UBAC2: variants seen among roughly 807,000 people sequenced by gnomAD.
The protein encoded by UBAC2 is ubiquitin-associated domain-containing protein 2.
A neutral mutation model predicts 44.0 loss-of-function variants in UBAC2; 26 were observed. The ratio of observed to expected loss-of-function variants is 0.59; its 90% CI spans 0.43 to 0.82. The LOEUF is 0.82. UBAC2 is among the 40% of genes least tolerant of loss of function. UBAC2 has a pLI of 0.00. For missense variants in UBAC2, 329 were observed against 419.4 expected (o/e 0.78, Z 1.88); for synonymous variants, 155 against 154.3 (o/e 1.00, Z -0.04).
chr13:99,281,225 C>T (rs961559287), intron 4 of UBAC2, among the ~76,000 whole-genome samples: 1 of 151,066 alleles, frequency 6.6e-6, no homozygotes, highest in Non-Finnish European at 1.5e-5. Flanking sequence ...AAAAAAACAA[C>T]AGCAACAACA....
At chr13:99,317,306 C>T (rs1424369093) in intron 5 of UBAC2, among the ~76,000 whole-genome samples, 2 of 152,130 alleles carry the variant, frequency 1.3e-5, no homozygotes, top group Non-Finnish European at 2.9e-5. Context: ...CAACAATAAC[C>T]CACAAATCAT....
chr13:99,324,923 T>A (rs1156681739), intron 6 of UBAC2, among the ~76,000 whole-genome samples: 1 of 152,160 alleles, frequency 6.6e-6, no homozygotes, highest in Non-Finnish European at 1.5e-5. Flanking sequence ...CCATCTAGGT[T>A]TGTGTAAGTA....
intron 4 of UBAC2, among the ~76,000 whole-genome samples, chr13:99,246,143 G>A (rs1005057149): frequency 2.0e-5 from 3 of 152,112 alleles, no homozygotes; most frequent in Non-Finnish European, 1.5e-5. Flanking sequence ...AATAGCTTTC[G>A]TACCTGCATT....
In UBAC2 at chr13:99,295,297, T is replaced by G. The variant is rs1218621811; in HGVS notation, c.390-18800T>G. 2 of 1,614,160 alleles carry G rather than the reference T, an allele frequency of 1.2e-6. No individual in the cohort carries two copies. On this transcript the variant is annotated intron_variant, in intron 4 of 8. Transcript: ENST00000403766. This position sits in a 1 kb window ranked among gnomAD's most constrained non-coding sequence, Gnocchi z 4.1. ...AGTGCAGAGAAATCTGGAACGAATG[T>G]CTTTGGCTACATTCCAGGAAATTAG... is the stretch of plus-strand genomic sequence containing the variant.
In UBAC2 at chr13:99,200,880, C is replaced by A. The variant is rs555163358; in HGVS notation, c.-29C>A. On this transcript the variant is annotated 5_prime_UTR_variant, in exon 1 of 9. Coordinates refer to ENST00000403766, the MANE Select transcript of UBAC2 (RefSeq NM_001144072.2). Reference sequence around the variant, plus strand: ...CACTTCAGCTTCCCCTCCCCCGGCGCCCTCTGGGGCTCCGAGCCCGGCGGG... The same window carrying A: ...CACTTCAGCTTCCCCTCCCCCGGCGACCTCTGGGGCTCCGAGCCCGGCGGG... The A allele has an allele frequency of 3.8e-6, 5 of 1,300,932 alleles. No homozygotes were observed. In the African/African-American group the frequency reaches 6.1e-5, roughly 16 times the overall value. 80.6% of individuals were successfully genotyped at this position (1,300,932 alleles called of 1,614,324 possible).
At chr13:99,208,646 C>T (rs751447663) in intron 1 of UBAC2, among the ~76,000 whole-genome samples, 16 of 152,198 alleles carry the variant, frequency 1.1e-4, no homozygotes, top group Non-Finnish European at 2.2e-4. Context: ...TCCGAAAAAG[C>T]GGTGTGACAG....
chr13:99,331,591 A>G (rs1166740015), intron 6 of UBAC2, among the ~76,000 whole-genome samples: 4 of 152,256 alleles, frequency 2.6e-5, no homozygotes, highest in Non-Finnish European at 5.9e-5. Flanking sequence ...AGAAAGTTCA[A>G]TCTGAATCAC....
At chr13:99,359,059 C>T (rs1209811790) in intron 7 of UBAC2, among the ~76,000 whole-genome samples, 2 of 152,008 alleles carry the variant, frequency 1.3e-5, no homozygotes, top group African/African-American at 2.4e-5. Context: ...CAAGAACACC[C>T]GTGTCTGAAG....
intron 6 of UBAC2, 69 bp downstream of exon 6, chr13:99,318,138 A>G (rs2044517939): frequency 2.2e-6 from 3 of 1,391,072 alleles, no homozygotes; most frequent in Non-Finnish European, 3.0e-6. Context: ...AAATTGTCCT[A>G]TTTAGATTGT....
At chr13:99,241,365 A>T (rs560817967) in intron 2 of UBAC2, among the ~76,000 whole-genome samples, 54 of 152,206 alleles carry the variant, frequency 3.5e-4, no homozygotes, top group Non-Finnish European at 6.5e-4. Flanking sequence ...CTATTAACAG[A>T]TACATGGATA....
chr13:99,222,518 A>T (rs1235249180), intron 1 of UBAC2, among the ~76,000 whole-genome samples: 1 of 152,234 alleles, frequency 6.6e-6, no homozygotes, highest in Non-Finnish European at 1.5e-5. Context: ...TTGAGGTTAG[A>T]TCAAAGGGGT....
Position 99,357,371 on chromosome 13 carries a change from C to T in UBAC2, c.808-10416C>T, listed in dbSNP as rs146312426. 4.1e-3 allele frequency among the ~76,000 whole-genome samples: 632 copies of T among 152,316 alleles called. 2 individuals carry two copies. Among genetic ancestry groups the T allele is most frequent in the African/African-American group, 0.014 (600 of 41,560 alleles). ...GTTTTAAGTCTAACAAGATGCCTCT[C>T]GTTCAGTCCTGAAGTGCTTCTTGTT... On this transcript the variant is annotated intron_variant, in intron 7 of 8. Transcript: ENST00000403766.
intron 2 of UBAC2, among the ~76,000 whole-genome samples, chr13:99,243,079 T>A (rs1483685964): frequency 6.6e-6 from 1 of 152,130 alleles, no homozygotes; most frequent in Non-Finnish European, 1.5e-5. Flanking sequence ...ACAATAAAAA[T>A]ACAAAGAAAA....
chr13:99,319,877 A>G (rs1325496058), intron 6 of UBAC2, among the ~76,000 whole-genome samples: 1 of 152,144 alleles, frequency 6.6e-6, no homozygotes, highest in Non-Finnish European at 1.5e-5. Context: ...GAAGGAGCTC[A>G]TTGCTTTGAT....
intron 4 of UBAC2, among the ~76,000 whole-genome samples, chr13:99,312,548 G>A (rs2044426148): frequency 6.6e-6 from 1 of 152,158 alleles, no homozygotes; most frequent in Non-Finnish European, 1.5e-5. Context: ...CCTGTGCTGG[G>A]CATCTTACCG....
intron 8 of UBAC2, among the ~76,000 whole-genome samples, chr13:99,373,686 T>G (rs2045440522): frequency 6.6e-6 from 1 of 151,154 alleles, no homozygotes; most frequent in South Asian, 2.1e-4. Flanking sequence ...ACATGGGAGG[T>G]GGGGAGCCAC....
At chr13:99,219,393 A>G (rs1210163668) in intron 1 of UBAC2, among the ~76,000 whole-genome samples, 1 of 152,178 alleles carries the variant, frequency 6.6e-6, no homozygotes, top group African/African-American at 2.4e-5. Context: ...CTTCCAGTAC[A>G]TTTACATTGT....
At chr13:99,282,209 A>G (rs901284765) in intron 4 of UBAC2, among the ~76,000 whole-genome samples, 1 of 136,438 alleles carries the variant, frequency 7.3e-6, no homozygotes, top group Non-Finnish European at 1.6e-5. Flanking sequence ...GTCTCCAGAT[A>G]ATGCCAAATG....
intron 7 of UBAC2, among the ~76,000 whole-genome samples, chr13:99,352,458 G>C (rs2045108271): frequency 6.6e-6 from 1 of 152,090 alleles, no homozygotes; most frequent in African/African-American, 2.4e-5. Context: ...GGCTTCTTTC[G>C]CTGAGCTTCA....
Sources: gnomAD v4.1 joint callset for allele counts (sites outside exome capture counted in the v4.1 genomes callset) on GRCh38, gnomAD v4.1.1 for gene constraint, Gnocchi (gnomAD v3.1) non-coding constraint, MANE v1.5 for transcripts, NCBI Gene and HGNC (gene_info 2026-07-23, HGNC 2026-07-21) for gene names.